The following CDH13 variants were observed in gnomAD, a reference collection of about 807,000 sequenced individuals.
CDH13 encodes cadherin 13, also known as cadherin-13.
CDH13 carries 24 observed loss-of-function variants against 63.8 expected under a neutral mutation model. That is an observed-to-expected ratio of 0.38 (90% confidence interval 0.27 to 0.53). CDH13 has a LOEUF of 0.53. CDH13 is among the 20% of genes least tolerant of loss of function. The pLI is 0.85. For synonymous variants in CDH13, 503 were observed against 355.3 expected (o/e 1.42, Z -4.67); for missense variants, 1,049 against 903.1 (o/e 1.16, Z -2.07).
chr16:82,934,863 A>G (rs1009003743), intron 2 of CDH13, among the ~76,000 whole-genome samples: 1 of 152,202 alleles, frequency 6.6e-6, no homozygotes, highest in Non-Finnish European at 1.5e-5. Context: ...TATCACCATC[A>G]GCATTTTGGT....
At chr16:83,499,222 A>G (rs1363377933) in intron 7 of CDH13, among the ~76,000 whole-genome samples, 1 of 152,230 alleles carries the variant, frequency 6.6e-6, no homozygotes, top group East Asian at 1.9e-4. Context: ...GTTTAATAAT[A>G]TAGAAAGATG....
At chr16:83,396,829 A>C (rs1196258980) in intron 6 of CDH13, 1 of 152,164 alleles carries the variant, frequency 6.6e-6, no homozygotes, top group African/African-American at 2.4e-5. Flanking sequence ...GACACAAAAC[A>C]TGTGTTACCA....
At chr16:83,604,594 T>G (rs1030245194) in intron 8 of CDH13, among the ~76,000 whole-genome samples, 3 of 152,202 alleles carry the variant, frequency 2.0e-5, no homozygotes, top group African/African-American at 7.2e-5. Context: ...TCATTCTTCT[T>G]TGGCCTGGGG....
chr16:83,407,704 A>G (rs1359223952), intron 6 of CDH13, among the ~76,000 whole-genome samples: 1 of 152,200 alleles, frequency 6.6e-6, no homozygotes, highest in Non-Finnish European at 1.5e-5. Flanking sequence ...TTTAATTCCC[A>G]GGAGGCATTT....
At chr16:82,795,276 C>T (rs2036526255) in intron 1 of CDH13, among the ~76,000 whole-genome samples, 1 of 152,166 alleles carries the variant, frequency 6.6e-6, no homozygotes, top group African/African-American at 2.4e-5. Context: ...GACTGGAAAT[C>T]AAGGGTGCTG....
chr16:83,186,856 C>T (rs1297944680), intron 4 of CDH13, among the ~76,000 whole-genome samples: 1 of 152,092 alleles, frequency 6.6e-6, no homozygotes, highest in Non-Finnish European at 1.5e-5. Context: ...AGAAGTGGTG[C>T]CCCCATTGAA....
At chr16:82,766,341 T>C (rs1486417758) in intron 1 of CDH13, among the ~76,000 whole-genome samples, 1 of 152,222 alleles carries the variant, frequency 6.6e-6, no homozygotes, top group Non-Finnish European at 1.5e-5. Context: ...TTCTGAAGGA[T>C]TGAATCTCTT....
intron 5 of CDH13, among the ~76,000 whole-genome samples, chr16:83,257,380 G>A (rs1295081791): frequency 6.6e-6 from 1 of 152,096 alleles, no homozygotes; most frequent in East Asian, 1.9e-4. Context: ...GAGTATTCAA[G>A]CAGACCCCAA....
At chr16:83,146,210 A>AAG (rs1173459544) in intron 4 of CDH13, among the ~76,000 whole-genome samples, 39 of 148,830 alleles carry the variant, frequency 2.6e-4, no homozygotes, top group African/African-American at 9.5e-4. Context: ...AAAAAAAAAA[A>AAG]GAAAAGAAAA....
intron 2 of CDH13, among the ~76,000 whole-genome samples, chr16:82,863,063 G>A (rs1283424967): frequency 6.6e-6 from 1 of 152,158 alleles, no homozygotes; most frequent in Non-Finnish European, 1.5e-5. Flanking sequence ...AAAGGAGTCT[G>A]GCAAACGTAG....
At chr16:82,966,369 G>A (rs943158695) in intron 2 of CDH13, among the ~76,000 whole-genome samples, 9 of 151,956 alleles carry the variant, frequency 5.9e-5, no homozygotes, top group Non-Finnish European at 1.0e-4. Context: ...GGATGGTCTC[G>A]ATTTCCTGAC....
chr16:83,667,004 T>G (rs558355078), intron 8 of CDH13, among the ~76,000 whole-genome samples: 1 of 120,262 alleles, frequency 8.3e-6, no homozygotes, highest in East Asian at 2.3e-4. Flanking sequence ...GATGGATGGA[T>G]GGATGGATGG....
At chr16:83,073,337 G>A (rs1174677090) in intron 3 of CDH13, among the ~76,000 whole-genome samples, 1 of 132,990 alleles carries the variant, frequency 7.5e-6, no homozygotes, top group Non-Finnish European at 1.6e-5. Context: ...GTGTGTGTGT[G>A]TGTGTGTGTG....
At chr16:83,418,498 T>C (rs2151466740) in intron 6 of CDH13, among the ~76,000 whole-genome samples, 1 of 152,304 alleles carries the variant, frequency 6.6e-6, no homozygotes, top group South Asian at 2.1e-4. Flanking sequence ...CAGTAGGTTG[T>C]TCCTATAGCT....
At chr16:82,656,273 A>C (rs1370182889) in intron 1 of CDH13, among the ~76,000 whole-genome samples, 2 of 151,634 alleles carry the variant, frequency 1.3e-5, no homozygotes, top group African/African-American at 4.9e-5. Context: ...TGGCTGGAGA[A>C]AGAGGCTGGA....
rs561110679 is a variant in CDH13 at position 82,914,549 on chromosome 16, TAA to T, written c.157+56078_157+56079del. Among the ~76,000 whole-genome samples, 342 of 152,312 alleles carry T rather than the reference TAA, an allele frequency of 2.2e-3. 1 individual carries two copies. The highest frequency in any genetic ancestry group is 7.9e-3 in the African/African-American group (327 of 41,564). ...AAGGACCCAGACACTCCTAAGTAGTTAAAGAGTCTGACGTTATCAATCAATGG... is the reference window on the plus strand; with the variant it reads ...AAGGACCCAGACACTCCTAAGTAGTTAGAGTCTGACGTTATCAATCAATGG... On this transcript the variant is annotated intron_variant, in intron 2 of 13. Coordinates refer to ENST00000567109, the MANE Select transcript of CDH13 (RefSeq NM_001257.5).
intron 10 of CDH13, among the ~76,000 whole-genome samples, chr16:83,727,519 G>T (rs1003959062): frequency 2.6e-5 from 4 of 151,538 alleles, no homozygotes; most frequent in African/African-American, 9.7e-5. Flanking sequence ...CTGTTCCAGA[G>T]ATCACCACTG....
chr16:83,673,783 G>A (rs1393081721), intron 9 of CDH13, among the ~76,000 whole-genome samples: 1 of 152,196 alleles, frequency 6.6e-6, no homozygotes, highest in Non-Finnish European at 1.5e-5. Context: ...GTGCCAGGTG[G>A]TTCTGTTGTT....
intron 1 of CDH13, among the ~76,000 whole-genome samples, chr16:82,709,009 C>T (rs1263026086): frequency 6.6e-6 from 1 of 152,188 alleles, no homozygotes; most frequent in Non-Finnish European, 1.5e-5. Context: ...TCTCATACTT[C>T]ACAGTTGAGA....
Sources: allele counts gnomAD v4.1 joint callset (sites outside exome capture counted in the v4.1 genomes callset), GRCh38; gene constraint gnomAD v4.1.1; transcripts MANE v1.5; gene names NCBI Gene and HGNC (gene_info 2026-07-23, HGNC 2026-07-21).